The following CFTR variants were observed in gnomAD, a reference collection of about 807,000 sequenced individuals.
The protein encoded by CFTR is cystic fibrosis transmembrane conductance regulator.
A neutral mutation model predicts 171.6 loss-of-function variants in CFTR; 181 were observed. That is an observed-to-expected ratio of 1.05 (90% CI 0.93 to 1.19). The LOEUF (loss-of-function observed/expected upper bound fraction) is 1.19. Among genes scored for constraint, CFTR ranks in the 50% most tolerant of loss-of-function variants. The pLI is 0.00. For missense variants in CFTR, 1,968 were observed against 1,734.7 expected (o/e 1.13, Z -2.39); for synonymous variants, 583 against 608.0 (o/e 0.96, Z 0.60).
intron 8 of CFTR, 33 bp from the exon 9 acceptor site, chr7:117,541,983 C>A (rs755476862): frequency 9.6e-7 from 1 of 1,044,928 alleles, no homozygotes; most frequent in Non-Finnish European, 1.5e-6. Context: ...TATTCTGATT[C>A]TATAATATGT....
In CFTR at chr7:117,536,558, G is replaced by C. The variant is rs748582435; in HGVS notation, c.754G>C (p.Ala252Pro). 15 of 1,590,920 alleles carry C rather than the reference G, an allele frequency of 9.4e-6. 1 individual carries two copies. In the South Asian group the frequency reaches 1.6e-4, roughly 17 times the overall value. Residue 252 changes from alanine to proline, a missense_variant, in exon 7 of 27, where the codon GCT (alanine) becomes CCT (proline). Ala to Pro is a conservative substitution (Grantham distance 27). Transcript: ENST00000003084. The stretch of plus-strand genomic sequence containing the variant: ...TTGATTGATTTACAGAGATCAGAGA[G>C]CTGGGAAGATCAGTGAAAGACTTGT... ...RMMMKYRDQR[A>P]GKISERLVIT... is the part of the protein sequence containing the mutation.
At chr7:117,657,386 T>C (rs959667702) in intron 24 of CFTR, among the ~76,000 whole-genome samples, 1 of 152,212 alleles carries the variant, frequency 6.6e-6, no homozygotes, top group Non-Finnish European at 1.5e-5. Flanking sequence ...ATGAGTGCTT[T>C]GAGTAGTAGT....
intron 10 of CFTR, among the ~76,000 whole-genome samples, chr7:117,553,415 G>T (rs186877163): frequency 2.2e-4 from 34 of 152,210 alleles, no homozygotes; most frequent in Admixed American, 7.8e-4. Flanking sequence ...ATCTGCAATT[G>T]TATCAGTAGG....
chr7:117,641,730 A>C (rs1315133838), intron 22 of CFTR, among the ~76,000 whole-genome samples: 1 of 152,138 alleles, frequency 6.6e-6, no homozygotes, highest in African/African-American at 2.4e-5. Context: ...TGGTGCTCTC[A>C]CGTCTATGCT....
chr7:117,590,391 C>G lies in CFTR; in HGVS notation c.1718C>G (p.Ser573Cys), dbSNP rs772223589. ...GATGCTGATTTGTATTTATTAGACT[C>G]TCCTTTTGGATACCTAGATGTTTTA... ...YKDADLYLLD[S>C]PFGYLDVLTE... Residue 573 changes from serine (S) to cysteine (C), a missense_variant, in exon 13 of 27, where the codon TCT (serine) becomes TGT (cysteine). By Grantham distance (112) the Ser-to-Cys change is moderately radical. Transcript: ENST00000003084. The G allele has an allele frequency of 6.2e-7, 1 of 1,603,430 alleles. No homozygotes were observed. The highest frequency in any genetic ancestry group is 1.7e-5 in the Admixed American group (1 of 59,670).
At chr7:117,594,908 T>C in intron 14 of CFTR, 22 bp from the exon 15 acceptor site, 1 of 1,610,898 alleles carries the variant, frequency 6.2e-7, no homozygotes, top group Non-Finnish European at 8.5e-7. Flanking sequence ...CTTATTGTAA[T>C]AGCCATAATT....
chr7:117,518,343 A>G (rs1798630290), intron 3 of CFTR, among the ~76,000 whole-genome samples: 1 of 147,276 alleles, frequency 6.8e-6, no homozygotes, highest in African/African-American at 2.5e-5. Flanking sequence ...TATGTTATAT[A>G]ATAATATAGT....
intron 11 of CFTR, among the ~76,000 whole-genome samples, chr7:117,580,235 G>A (rs1791830567): frequency 6.6e-6 from 1 of 151,984 alleles, no homozygotes; most frequent in Non-Finnish European, 1.5e-5. Flanking sequence ...AAAAATGAAT[G>A]TATAACACAG....
intron 21 of CFTR, among the ~76,000 whole-genome samples, chr7:117,623,587 G>A (rs553044862): frequency 6.6e-6 from 1 of 152,282 alleles, no homozygotes; most frequent in African/African-American, 2.4e-5. Context: ...ACTAAAAATA[G>A]TTCAATAGGT....
chr7:117,626,114 A>G (rs981916574), intron 21 of CFTR, among the ~76,000 whole-genome samples: 2 of 152,156 alleles, frequency 1.3e-5, no homozygotes, highest in Non-Finnish European at 2.9e-5. Flanking sequence ...TATTTTCAAG[A>G]TGAAGGAAAC....
In CFTR at chr7:117,535,264, A is replaced by G. The variant is rs397508764; in HGVS notation, c.596A>G (p.His199Arg). 6.2e-7 allele frequency: 1 copy of G among 1,614,064 alleles called. No individual in the cohort carries two copies. The highest frequency in any genetic ancestry group is 8.5e-7 in the Non-Finnish European group (1 of 1,180,004). Residue 199 changes from histidine to arginine, a missense_variant, in exon 6 of 27, where the codon CAT becomes CGT. Transcript: ENST00000003084. The stretch of plus-strand genomic sequence containing the variant: ...ATTTTCCAGGGACTTGCATTGGCAC[A>G]TTTCGTGTGGATCGCTCCTTTGCAA... The part of the protein sequence containing the change: ...NKFDEGLALA[H>R]FVWIAPLQVA...
rs73716203 is a variant in CFTR at position 117,581,121 on chromosome 7, C to T, written c.1585-6618C>T. ...ATTAATTGGTCATCTCTAGTGTGGT[C>T]GTGCTTGGAAGGTGAAAGAAGCCAA... On this transcript the variant is annotated intron_variant, in intron 11 of 26. Coordinates refer to ENST00000003084, the MANE Select transcript of CFTR (RefSeq NM_000492.4). Among the ~76,000 whole-genome samples, 458 of 152,176 alleles carry T rather than the reference C, an allele frequency of 3.0e-3. 4 individuals are homozygous for T. Among genetic ancestry groups the T allele is most frequent in the African/African-American group, 0.01 (427 of 41,520 alleles).
At chr7:117,594,566 A>G (rs1792090968) in intron 14 of CFTR, among the ~76,000 whole-genome samples, 2 of 152,304 alleles carry the variant, frequency 1.3e-5, no homozygotes, top group South Asian at 2.1e-4. Context: ...AACAGGTTAA[A>G]TCAAAGAGAG....
intron 15 of CFTR, among the ~76,000 whole-genome samples, chr7:117,596,890 C>G (rs545938608): frequency 6.6e-6 from 1 of 152,318 alleles, no homozygotes. Context: ...CACTTTGTAT[C>G]TAGCTAATCT....
Position 117,668,547 on chromosome 7 carries a change from T to G in CFTR, c.*1439T>G, listed in dbSNP as rs1179126336. 1 of 152,660 alleles carries G rather than the reference T, an allele frequency of 6.6e-6. No individual in the cohort carries two copies. Among genetic ancestry groups the G allele is most frequent in the Non-Finnish European group, 1.5e-5 (1 of 68,046 alleles). 9.5% of individuals were successfully genotyped at this position (152,660 alleles called of 1,614,324 possible). A position where few individuals can be genotyped will look rare whatever the true frequency, so the allele number is the denominator to read the frequency against. On this transcript the variant is annotated 3_prime_UTR_variant, in exon 27 of 27. Transcript: ENST00000003084. ...AAGAAGATGGTACCACCAGTCTGAC[T>G]GTTTCCATCAAGGGTACACTGCCTT...
In CFTR at chr7:117,592,608, A is replaced by G; in HGVS notation, c.2441A>G (p.Gln814Arg). 1 of 1,520,886 alleles carries G rather than the reference A, an allele frequency of 6.6e-7. No individual in the cohort carries two copies. The highest frequency in any genetic ancestry group is 2.3e-5 in the East Asian group (1 of 44,048). 94.2% of individuals were successfully genotyped at this position (1,520,886 alleles called of 1,614,324 possible). A position where few individuals can be genotyped will look rare whatever the true frequency, so the allele number is the denominator to read the frequency against. The change falls in exon 14 of 27, where the codon CAA (glutamine) becomes CGA (arginine). Residue 814 changes from glutamine (Q) to arginine (R), a missense_variant. Gln to Arg is a conservative substitution (Grantham distance 43). Transcript: ENST00000003084. The stretch of plus-strand genomic sequence containing the variant: ...GATATATATTCAAGAAGGTTATCTC[A>G]AGAAACTGGCTTGGAAATAAGTGAA... ...ELDIYSRRLS[Q>R]ETGLEISEEI...
intron 15 of CFTR, among the ~76,000 whole-genome samples, chr7:117,598,043 A>G (rs1030348712): frequency 6.6e-6 from 1 of 152,198 alleles, no homozygotes; most frequent in East Asian, 1.9e-4. Flanking sequence ...GGCAGCTGTC[A>G]CTCAGCACCA....
At chr7:117,571,666 C>T (rs1463368972) in intron 11 of CFTR, among the ~76,000 whole-genome samples, 1 of 152,110 alleles carries the variant, frequency 6.6e-6, no homozygotes, top group African/African-American at 2.4e-5. Context: ...ACCCCAAACA[C>T]CTTAAATCAC....
chr7:117,521,717 A>G (rs962583365), intron 3 of CFTR, among the ~76,000 whole-genome samples: 5 of 152,174 alleles, frequency 3.3e-5, no homozygotes, highest in African/African-American at 1.2e-4. Flanking sequence ...GAAGTTTTCC[A>G]AGTGACCATT....
Sources: gnomAD v4.1 joint callset for allele counts (sites outside exome capture counted in the v4.1 genomes callset) on GRCh38, gnomAD v4.1.1 for gene constraint, MANE v1.5 for transcripts, NCBI Gene and HGNC (gene_info 2026-07-23, HGNC 2026-07-21) for gene names.